Variants in EXOC6B observed in about 807,000 individuals in gnomAD.
EXOC6B encodes the protein SEC15 homolog B.
A neutral mutation model predicts 113.5 loss-of-function variants in EXOC6B; 54 were observed. The ratio of observed to expected loss-of-function variants is 0.48; its 90% CI spans 0.38 to 0.60. The LOEUF (loss-of-function observed/expected upper bound fraction) is 0.60, where lower values mean the gene tolerates loss of function less well. Ranked by LOEUF, EXOC6B falls within the 20% of genes least tolerant of loss-of-function variation. EXOC6B has a pLI of 0.00. For missense variants in EXOC6B, 797 were observed against 977.5 expected (o/e 0.82, Z 2.46); for synonymous variants, 357 against 339.0 (o/e 1.05, Z -0.58).
intron 6 of EXOC6B, among the ~76,000 whole-genome samples, chr2:72,620,264 G>T (rs548666866): frequency 6.6e-6 from 1 of 152,308 alleles, no homozygotes; most frequent in South Asian, 2.1e-4. Flanking sequence ...CCGACTTCAA[G>T]CCACAGGATG....
At chr2:72,749,722 T>G (rs1197481427) in intron 1 of EXOC6B, among the ~76,000 whole-genome samples, 2 of 151,924 alleles carry the variant, frequency 1.3e-5, no homozygotes, top group Non-Finnish European at 2.9e-5. Context: ...CACTTCGGTC[T>G]CCACACTTAA....
intron 6 of EXOC6B, among the ~76,000 whole-genome samples, chr2:72,677,023 A>G (rs1339506061): frequency 6.6e-6 from 1 of 152,252 alleles, no homozygotes; most frequent in Non-Finnish European, 1.5e-5. Flanking sequence ...TGAGCCAGAA[A>G]GAAGAAAAAC....
chr2:72,637,178 G>C (rs1672901301), intron 6 of EXOC6B, among the ~76,000 whole-genome samples: 1 of 151,992 alleles, frequency 6.6e-6, no homozygotes, highest in South Asian at 2.1e-4. Flanking sequence ...AAACCAAAAT[G>C]AAAAAAACAT....
intron 6 of EXOC6B, among the ~76,000 whole-genome samples, chr2:72,623,877 A>G (rs1166775563): frequency 6.6e-6 from 1 of 152,176 alleles, no homozygotes; most frequent in Non-Finnish European, 1.5e-5. Flanking sequence ...AACTCCTTCT[A>G]TGATAAATGC....
chr2:72,452,424 A>T (rs781619600), intron 18 of EXOC6B, among the ~76,000 whole-genome samples: 10 of 152,218 alleles, frequency 6.6e-5, no homozygotes, highest in Non-Finnish European at 1.0e-4. Context: ...ATTTAAGATC[A>T]TATATCCAAA....
At position 72,178,241 on chromosome 2, in the gene EXOC6B, T is replaced by A. The variant is rs1341046556; in HGVS notation, c.*1094A>T. On this transcript the variant is annotated 3_prime_UTR_variant, in exon 22 of 22. Coordinates refer to ENST00000272427, the MANE Select transcript of EXOC6B (RefSeq NM_015189.3). ...TTTATGGTAACAATGTCTCCATCCCTAGAGGCATCCAGTCCAGGCATGGCT... is the reference window on the plus strand; with the variant it reads ...TTTATGGTAACAATGTCTCCATCCCAAGAGGCATCCAGTCCAGGCATGGCT... The A allele has an allele frequency of 6.6e-6, 1 of 152,248 alleles. No homozygotes were observed. Among genetic ancestry groups the A allele is most frequent in the East Asian group, 1.9e-4 (1 of 5,198 alleles). 9.4% of individuals were successfully genotyped at this position (152,248 alleles called of 1,614,324 possible).
chr2:72,355,594 T>G (rs868147375), intron 19 of EXOC6B, among the ~76,000 whole-genome samples: 13 of 152,358 alleles, frequency 8.5e-5, no homozygotes, highest in Middle Eastern at 6.8e-3. Flanking sequence ...TGCAGTGCAC[T>G]GCAAATTATA....
At chr2:72,580,210 C>T (rs558736106) in intron 6 of EXOC6B, among the ~76,000 whole-genome samples, 21 of 137,376 alleles carry the variant, frequency 1.5e-4, no homozygotes, top group African/African-American at 5.6e-4. Context: ...GGCGCGATAT[C>T]GGCTCACTGC....
In EXOC6B at chr2:72,221,640, A is replaced by C. The variant is rs545941426; in HGVS notation, c.2197-37453T>G. Among the ~76,000 whole-genome samples, 274 of 152,326 alleles carry C rather than the reference A, an allele frequency of 1.8e-3. 3 individuals carry two copies. The highest frequency in any genetic ancestry group is 6.5e-3 in the African/African-American group (271 of 41,568). ...AAACTGTAAACTCCATGAGGTCAGG[A>C]ATCTCAGCCTGTTTTGTTCATTGAT... is the stretch of plus-strand genomic sequence containing the variant. On this transcript the variant is annotated intron_variant, in intron 20 of 21. Coordinates refer to ENST00000272427, the MANE Select transcript of EXOC6B (RefSeq NM_015189.3).
At chr2:72,686,318 A>G (rs1433610415) in intron 6 of EXOC6B, among the ~76,000 whole-genome samples, 1 of 152,206 alleles carries the variant, frequency 6.6e-6, no homozygotes, top group East Asian at 1.9e-4. Flanking sequence ...GAATTCTGTA[A>G]CTTAACAAAC....
chr2:72,269,335 A>G (rs921572354), intron 20 of EXOC6B, among the ~76,000 whole-genome samples: 4 of 152,184 alleles, frequency 2.6e-5, no homozygotes, highest in African/African-American at 9.7e-5. Flanking sequence ...AGAAACACAT[A>G]TATTGGGTGT....
At chr2:72,816,425 A>T (rs1309471257) in intron 1 of EXOC6B, among the ~76,000 whole-genome samples, 1 of 152,232 alleles carries the variant, frequency 6.6e-6, no homozygotes, top group Non-Finnish European at 1.5e-5. Flanking sequence ...AGTCTATACA[A>T]TAACACTATT....
intron 1 of EXOC6B, among the ~76,000 whole-genome samples, chr2:72,811,972 T>G (rs1685949468): frequency 6.6e-6 from 1 of 152,236 alleles, no homozygotes; most frequent in Non-Finnish European, 1.5e-5. Context: ...AATGCTTTCC[T>G]TCTAAGATCA....
At chr2:72,561,330 T>A (rs1236958474) in intron 7 of EXOC6B, among the ~76,000 whole-genome samples, 1 of 152,154 alleles carries the variant, frequency 6.6e-6, no homozygotes, top group Admixed American at 6.5e-5. Flanking sequence ...TTGATCTGTA[T>A]AGGAAATGAC....
intron 1 of EXOC6B, among the ~76,000 whole-genome samples, chr2:72,805,642 C>T (rs1265347691): frequency 6.6e-6 from 1 of 152,022 alleles, no homozygotes; most frequent in African/African-American, 2.4e-5. Context: ...GTGGTGAGAA[C>T]ATTTAAGAGC....
At chr2:72,805,626 T>C (rs185694127) in intron 1 of EXOC6B, among the ~76,000 whole-genome samples, 1 of 152,340 alleles carries the variant, frequency 6.6e-6, no homozygotes, top group East Asian at 1.9e-4. Flanking sequence ...CACATACTTT[T>C]TTTTTGTGGT....
intron 18 of EXOC6B, among the ~76,000 whole-genome samples, chr2:72,455,394 T>C (rs1015344777): frequency 2.6e-5 from 4 of 152,222 alleles, no homozygotes; most frequent in Non-Finnish European, 4.4e-5. Context: ...GGAATTGTTC[T>C]GGTCACCATG....
chr2:72,741,927 A>G (rs1052348729), intron 1 of EXOC6B, among the ~76,000 whole-genome samples: 14 of 152,208 alleles, frequency 9.2e-5, no homozygotes, highest in Non-Finnish European at 7.3e-5. Context: ...TAATTCTACT[A>G]CAACCATTCC....
intron 18 of EXOC6B, among the ~76,000 whole-genome samples, chr2:72,412,015 T>C (rs1349876778): frequency 1.3e-5 from 2 of 151,900 alleles, no homozygotes; most frequent in Admixed American, 6.6e-5. Context: ...CAAACACATA[T>C]GAAAAAGAAC....
Sources: gnomAD v4.1 joint callset for allele counts (sites outside exome capture counted in the v4.1 genomes callset) on GRCh38, gnomAD v4.1.1 for gene constraint, MANE v1.5 for transcripts, NCBI Gene and HGNC (gene_info 2026-07-23, HGNC 2026-07-21) for gene names.